MCU: variants seen among roughly 807,000 people sequenced by gnomAD.
MCU encodes the protein mitochondrial calcium uniporter.
In MCU, 12 loss-of-function variants were observed where a neutral mutation model predicts 45.2. That is an observed-to-expected ratio of 0.27 (90% CI 0.17 to 0.43). The LOEUF is 0.43. Among genes scored for constraint, MCU ranks in the 20% least tolerant of loss-of-function variants. The probability of loss-of-function intolerance (pLI) is 1.00; values close to 1 mark genes in which losing one functional copy is unlikely to be tolerated. For missense variants in MCU, 324 were observed against 436.7 expected, an observed-to-expected ratio of 0.74 and a Z score of 2.30; for synonymous variants, 160 against 165.1, an observed-to-expected ratio of 0.97 and a Z score of 0.24.
At chr10:72,802,290 T>C (rs1399067964) in intron 1 of MCU, among the ~76,000 whole-genome samples, 3 of 152,126 alleles carry the variant, frequency 2.0e-5, no homozygotes, top group Admixed American at 1.3e-4. Flanking sequence ...GTCTTTTGAT[T>C]CAGTAAAGTA....
chr10:72,733,216 T>C (rs921134078), intron 1 of MCU, among the ~76,000 whole-genome samples: 9 of 152,234 alleles, frequency 5.9e-5, no homozygotes, highest in African/African-American at 2.2e-4. Flanking sequence ...CCCAGCACTT[T>C]GGGATGCTGA....
intron 1 of MCU, among the ~76,000 whole-genome samples, chr10:72,698,966 G>A (rs1231999677): frequency 6.6e-6 from 1 of 152,074 alleles, no homozygotes; most frequent in Non-Finnish European, 1.5e-5. Flanking sequence ...ACCACACTGG[G>A]CTAATTTTTA....
At chr10:72,733,143 A>G (rs557556430) in intron 1 of MCU, among the ~76,000 whole-genome samples, 3 of 152,336 alleles carry the variant, frequency 2.0e-5, no homozygotes, top group Admixed American at 6.5e-5. Context: ...TTCAGTCTTC[A>G]TCTATAAAAT....
intron 1 of MCU, among the ~76,000 whole-genome samples, chr10:72,764,480 G>A (rs1843698114): frequency 6.6e-6 from 1 of 152,098 alleles, no homozygotes; most frequent in Admixed American, 6.6e-5. Flanking sequence ...TTCTGTGGTT[G>A]GTCCAGTAGC....
intron 1 of MCU, among the ~76,000 whole-genome samples, chr10:72,700,518 A>C (rs990545579): frequency 6.6e-6 from 1 of 152,246 alleles, no homozygotes; most frequent in Non-Finnish European, 1.5e-5. Flanking sequence ...AAATGCTTGC[A>C]GTTAGCTTGT....
chr10:72,699,380 G>C (rs890756875), intron 1 of MCU, among the ~76,000 whole-genome samples: 59 of 151,890 alleles, frequency 3.9e-4, no homozygotes, highest in Admixed American at 1.4e-3. Context: ...GGTGGTGCGC[G>C]CCTGTAATCC....
chr10:72,884,936 G>T (rs1845756519), intron 7 of MCU, among the ~76,000 whole-genome samples: 1 of 152,084 alleles, frequency 6.6e-6, no homozygotes, highest in East Asian at 1.9e-4. Flanking sequence ...TGTTATCTTT[G>T]ATTTTGGTGA....
At chr10:72,739,443 T>G (rs1843295746) in intron 1 of MCU, among the ~76,000 whole-genome samples, 1 of 152,250 alleles carries the variant, frequency 6.6e-6, no homozygotes, top group African/African-American at 2.4e-5. Flanking sequence ...TTTTTTCCTT[T>G]GAATTCCAGC....
intron 1 of MCU, among the ~76,000 whole-genome samples, chr10:72,711,777 T>C (rs1401454991): frequency 2.1e-5 from 3 of 142,018 alleles, no homozygotes; most frequent in Admixed American, 7.4e-5. Flanking sequence ...AGTGGCACAA[T>C]CTCCATTCAC....
intron 6 of MCU, among the ~76,000 whole-genome samples, chr10:72,877,205 C>T (rs1206924876): frequency 6.6e-6 from 1 of 152,170 alleles, no homozygotes; most frequent in African/African-American, 2.4e-5. Flanking sequence ...CAGGCATGAG[C>T]CACTGCACTT....
In MCU at chr10:72,827,436, A is replaced by G. The variant is rs1247789773; in HGVS notation, c.151-6923A>G. ...TCAAAAAATGCTTATGGAAATCATA[A>G]TTACTTTTATTTATCAGAGTAGCTT... On this transcript the variant is annotated intron_variant, in intron 1 of 7. Transcript: ENST00000373053. 2.6e-5 allele frequency among the ~76,000 whole-genome samples: 4 copies of G among 152,226 alleles called. No individual in the cohort carries two copies. In the East Asian group the frequency reaches 7.7e-4, roughly 29 times the overall value.
chr10:72,752,880 G>C (rs1477996664), intron 1 of MCU, among the ~76,000 whole-genome samples: 1 of 152,172 alleles, frequency 6.6e-6, no homozygotes, highest in Non-Finnish European at 1.5e-5. Flanking sequence ...TATTCATTTT[G>C]AAGTTGAAAT....
chr10:72,795,044 G>T (rs923050628), intron 1 of MCU, among the ~76,000 whole-genome samples: 2 of 152,090 alleles, frequency 1.3e-5, no homozygotes, highest in Admixed American at 1.3e-4. Flanking sequence ...CCTTGAAAAT[G>T]AGTTTTTAAA....
At chr10:72,769,763 C>A in intron 1 of MCU, among the ~76,000 whole-genome samples, 1 of 152,146 alleles carries the variant, frequency 6.6e-6, no homozygotes, top group East Asian at 1.9e-4. Context: ...CATTAGCAGT[C>A]ATTTCTCATT....
chr10:72,717,843 A>T (rs986556098), intron 1 of MCU, among the ~76,000 whole-genome samples: 1 of 152,144 alleles, frequency 6.6e-6, no homozygotes, highest in African/African-American at 2.4e-5. Flanking sequence ...CAATCTGTAG[A>T]TTATGTTGCA....
chr10:72,726,422 C>T (rs1205586649), intron 1 of MCU, among the ~76,000 whole-genome samples: 2 of 152,080 alleles, frequency 1.3e-5, no homozygotes, highest in Non-Finnish European at 2.9e-5. Flanking sequence ...TATAATATGC[C>T]ATCATATATG....
At chr10:72,864,141 C>T (rs543469973) in intron 4 of MCU, among the ~76,000 whole-genome samples, 3 of 152,230 alleles carry the variant, frequency 2.0e-5, no homozygotes, top group South Asian at 2.1e-4. Context: ...GTTGCTATTG[C>T]GGTAAACTCA....
chr10:72,757,356 A>G (rs916951059), intron 1 of MCU, among the ~76,000 whole-genome samples: 18 of 152,308 alleles, frequency 1.2e-4, no homozygotes, highest in African/African-American at 4.1e-4. Flanking sequence ...TTTCAGGGAA[A>G]AACATGAAAA....
intron 1 of MCU, among the ~76,000 whole-genome samples, chr10:72,758,576 A>T (rs1372530186): frequency 6.6e-6 from 1 of 152,082 alleles, no homozygotes; most frequent in African/African-American, 2.4e-5. Flanking sequence ...TGAAAGTATG[A>T]ATATGCAACT....
Sources: gnomAD v4.1 joint callset for allele counts (sites outside exome capture counted in the v4.1 genomes callset) on GRCh38, gnomAD v4.1.1 for gene constraint, MANE v1.5 for transcripts, NCBI Gene and HGNC (gene_info 2026-07-23, HGNC 2026-07-21) for gene names.